The following TBC1D31 variants were observed in gnomAD, a reference collection of about 807,000 sequenced individuals.
TBC1D31 encodes WD repeat domain 67.
A neutral mutation model predicts 132.9 loss-of-function variants in TBC1D31; 99 were observed. That is an observed-to-expected ratio of 0.74 (90% CI 0.63 to 0.88). The LOEUF (loss-of-function observed/expected upper bound fraction) is 0.88, where lower values mean the gene tolerates loss of function less well. Among genes scored for constraint, TBC1D31 ranks in the 40% least tolerant of loss-of-function variants. The pLI is 0.00. For synonymous variants in TBC1D31, 385 were observed against 419.4 expected (o/e 0.92, Z 1.00); for missense variants, 1,134 against 1,256.6 (o/e 0.90, Z 1.48).
chr8:123,154,555 A>T (rs1822939115), downstream of TBC1D31, among the ~76,000 whole-genome samples: 2 of 152,208 alleles, frequency 1.3e-5, no homozygotes, highest in Admixed American at 1.3e-4. Context: ...GAGGCAGGGC[A>T]TAAGGACCCC....
intron 16 of TBC1D31, among the ~76,000 whole-genome samples, chr8:123,132,345 A>G (rs959420493): frequency 1.4e-5 from 2 of 138,984 alleles, no homozygotes; most frequent in Non-Finnish European, 3.1e-5. Flanking sequence ...CACTGACTTT[A>G]TGCACTAATT....
At chr8:123,156,198 T>C (rs1160839322), downstream of TBC1D31, among the ~76,000 whole-genome samples, 2 of 152,154 alleles carry the variant, frequency 1.3e-5, no homozygotes, top group African/African-American at 4.8e-5. Flanking sequence ...CCCAGCACTT[T>C]GGGAGGCCGA....
chr8:123,100,242 C>T (rs1159855980), intron 6 of TBC1D31, among the ~76,000 whole-genome samples: 1 of 152,046 alleles, frequency 6.6e-6, no homozygotes, highest in East Asian at 1.9e-4. Flanking sequence ...AGAGCCAGGG[C>T]ATAATCAACA....
chr8:123,159,994 G>A, the TBC1D31 span, among the ~76,000 whole-genome samples: 3 of 152,192 alleles, frequency 2.0e-5, no homozygotes, highest in Admixed American at 2.0e-4. Flanking sequence ...AGCATTGGTC[G>A]TTGGTATGGG....
At chr8:123,080,728 G>C (rs778586527) in intron 2 of TBC1D31, among the ~76,000 whole-genome samples, 6 of 151,744 alleles carry the variant, frequency 4.0e-5, no homozygotes, top group African/African-American at 1.5e-4. Context: ...GTAGAGACAG[G>C]GTTTCACCAT....
At chr8:123,157,329 A>G in the TBC1D31 span, among the ~76,000 whole-genome samples, 5 of 152,292 alleles carry the variant, frequency 3.3e-5, no homozygotes, top group East Asian at 9.7e-4. Context: ...CGGACGGATC[A>G]TTCTGAGGCT....
chr8:123,122,633 G>A (rs935085954), intron 11 of TBC1D31, among the ~76,000 whole-genome samples: 2 of 152,194 alleles, frequency 1.3e-5, no homozygotes, highest in Non-Finnish European at 2.9e-5. Context: ...TGGGATCATT[G>A]TATAACCCTG....
chr8:123,076,196 G>A lies in TBC1D31; in HGVS notation c.78-915G>A, dbSNP rs181105522. Among the ~76,000 whole-genome samples the A allele has an allele frequency of 4.6e-3, 694 of 152,168 alleles. 3 individuals carry two copies. Among genetic ancestry groups the A allele is most frequent in the African/African-American group, 0.016 (669 of 41,518 alleles). ...CTCACTGAAGCCTTGACCTCCCCAGGCTCTAGTGATAATGCCACCTCAGAC... is the reference window on the plus strand; with the variant it reads ...CTCACTGAAGCCTTGACCTCCCCAGACTCTAGTGATAATGCCACCTCAGAC... On this transcript the variant is annotated intron_variant, in intron 1 of 21. Transcript: ENST00000287380.
chr8:123,148,682 A>C (rs1822472741), intron 20 of TBC1D31, among the ~76,000 whole-genome samples: 1 of 152,222 alleles, frequency 6.6e-6, no homozygotes, highest in Admixed American at 6.5e-5. Flanking sequence ...GTAGACTGGG[A>C]AGCTCGTGAC....
intron 4 of TBC1D31, among the ~76,000 whole-genome samples, chr8:123,084,992 G>T (rs1299254340): frequency 6.6e-6 from 1 of 151,664 alleles, no homozygotes; most frequent in East Asian, 1.9e-4. Flanking sequence ...GTTTCATCAT[G>T]TTGGCCAGGC....
chr8:123,139,576 C>T (rs572071959), intron 17 of TBC1D31, among the ~76,000 whole-genome samples: 1 of 152,234 alleles, frequency 6.6e-6, no homozygotes, highest in Non-Finnish European at 1.5e-5. Flanking sequence ...CTCAGCTAGG[C>T]AGTTTATACT....
Position 123,151,729 on chromosome 8 carries a change from T to A in TBC1D31, c.3068-77T>A, listed in dbSNP as rs1278754850. ...TCATTATTTGTTTTTACAACACATT[T>A]ATCTTTAAAATAAATGCTGTATCAC... On this transcript the variant is annotated intron_variant, in intron 21 of 21. Transcript: ENST00000287380. The A allele has an allele frequency of 2.2e-6, 3 of 1,374,130 alleles. No homozygotes were observed. In the African/African-American group the frequency reaches 4.6e-5, roughly 21 times the overall value. The allele number at this position is 1,374,130 out of a possible 1,614,324, so 85.1% of individuals were successfully genotyped here. A position where few individuals can be genotyped will look rare whatever the true frequency, so the allele number is the denominator to read the frequency against.
chr8:123,085,744 TA>T (rs2129940803), intron 4 of TBC1D31, among the ~76,000 whole-genome samples: 1 of 152,342 alleles, frequency 6.6e-6, no homozygotes, highest in African/African-American at 2.4e-5. Flanking sequence ...CCATCCATAT[TA>T]TATTTATTAG....
chr8:123,106,020 AG>A (rs1334235909), intron 8 of TBC1D31, among the ~76,000 whole-genome samples: 17 of 152,170 alleles, frequency 1.1e-4, no homozygotes, highest in Admixed American at 1.1e-3. Flanking sequence ...TTGATTGAAA[AG>A]TAGTTGATTT....
At chr8:123,097,585 T>A in intron 6 of TBC1D31, 144 bp downstream of exon 6, 2 of 1,007,398 alleles carry the variant, frequency 2.0e-6, no homozygotes, top group Non-Finnish European at 2.7e-6. Flanking sequence ...GTGAAGAGTC[T>A]AGGATTGAAA....
chr8:123,163,245 ACATATAATTCACATAC>A, the TBC1D31 span, among the ~76,000 whole-genome samples: 3 of 151,866 alleles, frequency 2.0e-5, no homozygotes, highest in East Asian at 1.9e-4. Flanking sequence ...AGCTTTACTG[ACATATAATTCACATAC>A]CATATAATTC....
chr8:123,140,736 T>G, intron 17 of TBC1D31, 25 bp from the exon 18 acceptor site: 1 of 1,578,934 alleles, frequency 6.3e-7, no homozygotes, highest in South Asian at 1.2e-5. Flanking sequence ...AATTAGTGAT[T>G]TTTTTTTACA....
intron 6 of TBC1D31, among the ~76,000 whole-genome samples, chr8:123,099,323 T>C (rs1817139326): frequency 6.6e-6 from 1 of 152,240 alleles, no homozygotes; most frequent in Non-Finnish European, 1.5e-5. Context: ...GGTTTCACCG[T>C]GTTAGCCAGG....
chr8:123,082,440 A>G (rs1257943933), intron 2 of TBC1D31: 1 of 366,678 alleles, frequency 2.7e-6, no homozygotes, highest in African/African-American at 2.1e-5. Context: ...CCCTCTATCC[A>G]TTTGCCATTG....
Sources: allele counts gnomAD v4.1 joint callset (sites outside exome capture counted in the v4.1 genomes callset), GRCh38; gene constraint gnomAD v4.1.1; transcripts MANE v1.5; gene names NCBI Gene and HGNC (gene_info 2026-07-23, HGNC 2026-07-21).